The following TERF1 variants were observed in gnomAD, a reference collection of about 807,000 sequenced individuals.
TERF1 encodes the protein telomeric repeat-binding factor 1.
In TERF1, 20 loss-of-function variants were observed where a neutral mutation model predicts 55.1. The ratio of observed to expected loss-of-function variants is 0.36; its 90% CI spans 0.26 to 0.53. The LOEUF (loss-of-function observed/expected upper bound fraction) is 0.53. Ranked by LOEUF, TERF1 falls within the 20% of genes least tolerant of loss-of-function variation. The probability of loss-of-function intolerance (pLI) is 0.91; values close to 1 mark genes in which losing one functional copy is unlikely to be tolerated. For synonymous variants in TERF1, 168 were observed against 181.2 expected (o/e 0.93, Z 0.59); for missense variants, 439 against 535.7 (o/e 0.82, Z 1.78).
At chr8:73,028,673 T>C (rs1292748149) in intron 6 of TERF1, among the ~76,000 whole-genome samples, 2 of 151,582 alleles carry the variant, frequency 1.3e-5, no homozygotes, top group Non-Finnish European at 2.9e-5. Flanking sequence ...GAAGCTTTGT[T>C]CCTTCTATTT....
intron 3 of TERF1, among the ~76,000 whole-genome samples, chr8:73,021,080 T>C (rs964109487): frequency 6.6e-6 from 1 of 152,114 alleles, no homozygotes; most frequent in African/African-American, 2.4e-5. Context: ...AAAAAGTAGA[T>C]ACTATTTTTA....
At chr8:73,032,178 C>A in intron 8 of TERF1, 45 bp downstream of exon 8, 1 of 1,374,132 alleles carries the variant, frequency 7.3e-7, no homozygotes, top group Non-Finnish European at 1.0e-6. Flanking sequence ...ATTGATGTGT[C>A]CTCAAACAAT....
chr8:73,010,458 T>G (rs966331999), intron 1 of TERF1: 5 of 152,236 alleles, frequency 3.3e-5, no homozygotes, highest in Admixed American at 6.5e-5. Flanking sequence ...CATGTAGGTA[T>G]AGATGACTTA....
chr8:73,032,991 G>A (rs1274416497), intron 8 of TERF1, among the ~76,000 whole-genome samples: 1 of 150,494 alleles, frequency 6.6e-6, no homozygotes, highest in Non-Finnish European at 1.5e-5. Context: ...TTAGCATTAG[G>A]TATATCTCCT....
chr8:73,027,093 ATGTT>A (rs1358135621), intron 6 of TERF1, 41 bp downstream of exon 6: 4 of 1,416,382 alleles, frequency 2.8e-6, no homozygotes, highest in Non-Finnish European at 3.9e-6. Flanking sequence ...TGTTTTATGA[ATGTT>A]CTGTCTTTAT....
intron 5 of TERF1, among the ~76,000 whole-genome samples, chr8:73,025,754 CAAAAAAAAAAAA>C (rs35028162): frequency 2.1e-5 from 1 of 47,262 alleles, no homozygotes; most frequent in Non-Finnish European, 3.8e-5. Flanking sequence ...GACTCTGTCT[CAAAAAAAAAAAA>C]AAAAAAAAAA....
intron 9 of TERF1, among the ~76,000 whole-genome samples, chr8:73,040,472 C>A (rs1809786409): frequency 6.6e-6 from 1 of 152,072 alleles, no homozygotes; most frequent in South Asian, 2.1e-4. Flanking sequence ...TGGGTGAATT[C>A]CCAAAGGAGA....
intron 6 of TERF1, 120 bp downstream of exon 6, chr8:73,027,172 A>C (rs578106331): frequency 1.4e-6 from 1 of 727,352 alleles, no homozygotes; most frequent in Non-Finnish European, 2.2e-6. Flanking sequence ...GCTGATGATT[A>C]ACATTTAGGT....
chr8:73,033,684 C>A (rs1809394043), intron 8 of TERF1, among the ~76,000 whole-genome samples: 2 of 152,122 alleles, frequency 1.3e-5, no homozygotes, highest in African/African-American at 4.8e-5. Flanking sequence ...TGCACTCCAG[C>A]CTGTGTGACA....
At chr8:73,021,939 T>C (rs1808775908) in intron 3 of TERF1, among the ~76,000 whole-genome samples, 1 of 152,210 alleles carries the variant, frequency 6.6e-6, no homozygotes, top group African/African-American at 2.4e-5. Context: ...AATTTATTTA[T>C]TAATACATAC....
At chr8:73,016,909 C>T (rs545018447) in intron 2 of TERF1, among the ~76,000 whole-genome samples, 32 of 152,174 alleles carry the variant, frequency 2.1e-4, no homozygotes, top group Non-Finnish European at 3.7e-4. Flanking sequence ...TATCCAAAAT[C>T]AGCAAATCGG....
At chr8:73,043,464 T>C (rs1402916473) in intron 9 of TERF1, 1 of 152,206 alleles carries the variant, frequency 6.6e-6, no homozygotes, top group East Asian at 1.9e-4. Context: ...AATTTTTCTA[T>C]AAAGAGCAAG....
chr8:73,024,773 C>T (rs765538954), intron 4 of TERF1, 49 bp from the exon 5 acceptor site: 59 of 1,344,320 alleles, frequency 4.4e-5, no homozygotes, highest in Admixed American at 2.4e-5. Flanking sequence ...ATCGTTGTAT[C>T]TGTAACTTTG....
intron 8 of TERF1, among the ~76,000 whole-genome samples, chr8:73,033,936 CT>C (rs1809404480): frequency 6.6e-6 from 1 of 151,984 alleles, no homozygotes; most frequent in Non-Finnish European, 1.5e-5. Context: ...TGTGCTAAAC[CT>C]TTTTTTCTCT....
intron 2 of TERF1, among the ~76,000 whole-genome samples, chr8:73,018,662 C>T (rs1401990031): frequency 6.6e-6 from 1 of 152,046 alleles, no homozygotes; most frequent in African/African-American, 2.4e-5. Context: ...GTCAAAAGAG[C>T]AAAGCACTGC....
rs745962757 is a variant in TERF1 at position 73,046,128 on chromosome 8, C to G, written c.1311C>G (p.Ser437Arg). Residue 437 changes from serine (S) to arginine (R), a missense_variant, in exon 10 of 10, where the codon AGC (serine) becomes AGG (arginine). Physicochemically the swap from Ser to Arg is moderately radical, Grantham distance 110 (BLOSUM62 -1). Transcript: ENST00000276603. ...AACTAAAACTGATTTCCTCAGACAG[C>G]GAAGACTGATTGTGTTTGTAAAAGC... is the stretch of plus-strand genomic sequence containing the variant. ...MKKLKLISSDSED is the reference protein window; with the variant it reads ...MKKLKLISSDRED 1.3e-6 allele frequency: 2 copies of G among 1,585,914 alleles called. No homozygotes were observed. Among genetic ancestry groups the G allele is most frequent in the South Asian group, 2.3e-5 (2 of 85,810 alleles).
rs78172655 is a variant in TERF1 at position 73,026,095 on chromosome 8, C to T, written c.775-845C>T. Reference sequence around the variant, plus strand: ...CGCCTGTAGTCCCAGCTACTTGTGGCGGCTGAGGCAGAAGGATTGCTTGAA... The same window carrying T: ...CGCCTGTAGTCCCAGCTACTTGTGGTGGCTGAGGCAGAAGGATTGCTTGAA... On this transcript the variant is annotated intron_variant, in intron 5 of 9. Coordinates refer to ENST00000276603, the MANE Select transcript of TERF1 (RefSeq NM_017489.3). 7.3e-3 allele frequency among the ~76,000 whole-genome samples: 1,051 copies of T among 143,136 alleles called. 8 individuals carry two copies. Among genetic ancestry groups the T allele is most frequent in the African/African-American group, 0.025 (964 of 38,156 alleles). 93.9% of individuals were successfully genotyped at this position (143,136 alleles called of 152,430 possible). A position where few individuals can be genotyped will look rare whatever the true frequency, so the allele number is the denominator to read the frequency against.
intron 6 of TERF1, among the ~76,000 whole-genome samples, chr8:73,028,309 T>A (rs1809109438): frequency 6.6e-6 from 1 of 152,164 alleles, no homozygotes; most frequent in African/African-American, 2.4e-5. Flanking sequence ...CATTTGCCTC[T>A]CTACACCCTG....
chr8:73,021,390 A>G (rs1187060759), intron 3 of TERF1, among the ~76,000 whole-genome samples: 2 of 152,152 alleles, frequency 1.3e-5, no homozygotes, highest in African/African-American at 2.4e-5. Context: ...CAGAAAAACG[A>G]CTGCTTCCTT....
Sources: allele counts gnomAD v4.1 joint callset (sites outside exome capture counted in the v4.1 genomes callset), GRCh38; gene constraint gnomAD v4.1.1; transcripts MANE v1.5; gene names NCBI Gene and HGNC (gene_info 2026-07-23, HGNC 2026-07-21).